PLAC1: variants seen among roughly 807,000 people sequenced by gnomAD.
PLAC1 encodes the protein placenta-specific protein 1.
For synonymous variants in PLAC1, 68 were observed against 62.1 expected (o/e 1.09, Z -0.44); for missense variants, 136 against 163.2 (o/e 0.83, Z 0.91).
At chrX:134,748,659 A>G (rs1044771666) in intron 1 of PLAC1, among the ~76,000 whole-genome samples, 1 of 112,017 alleles carries the variant, frequency 8.9e-6, no homozygotes, top group Non-Finnish European at 1.9e-5. Context: ...TGAAAACTTA[A>G]TTTGGTCGTA....
rs1241492032 is a variant in PLAC1, at chrX:134,750,993, G to A, written n.89+13241C>T. On this transcript the variant is annotated intron_variant and non_coding_transcript_variant, in intron 1 of 2. Transcript: ENST00000466797. ...TATATATATAGCCTGGTGTGGGGGC[G>A]CCACCTGTAGTCCCAGCTACTCAGG... 9.3e-5 allele frequency among the ~76,000 whole-genome samples: 7 copies of A among 75,356 alleles called. No homozygotes were observed. In the South Asian group the frequency reaches 2.5e-3, roughly 27 times the overall value. 65.4% of individuals were successfully genotyped at this position (75,356 alleles called of 115,157 possible).
At chrX:134,587,997 A>G (rs2078014259) in intron 2 of PLAC1, among the ~76,000 whole-genome samples, 1 of 112,135 alleles carries the variant, frequency 8.9e-6, no homozygotes, top group African/African-American at 3.2e-5. Flanking sequence ...GAACTGGTAC[A>G]GTTTTACCCC....
At position 134,632,475 on chromosome X, in the gene PLAC1, C is replaced by T. The variant is rs766542650; in HGVS notation, c.-131+25853G>A. ...AGACATCCTCCCTTCTTCTCTGTCACCATCGCTACTGCTTTGGGTCAGGGC... is the reference window on the plus strand; with the variant it reads ...AGACATCCTCCCTTCTTCTCTGTCATCATCGCTACTGCTTTGGGTCAGGGC... On this transcript the variant is annotated intron_variant, in intron 1 of 2. Coordinates refer to ENST00000359237, the MANE Select transcript of PLAC1 (RefSeq NM_021796.4). Among the ~76,000 whole-genome samples, 24 of 111,356 alleles carry T rather than the reference C, an allele frequency of 2.2e-4. No homozygotes were observed. In the South Asian group the frequency reaches 9.2e-3, roughly 43 times the overall value.
intron 1 of PLAC1, among the ~76,000 whole-genome samples, chrX:134,736,480 C>T (rs1006008870): frequency 3.5e-4 from 38 of 109,945 alleles, no homozygotes; most frequent in African/African-American, 1.2e-3. Flanking sequence ...CCGCCCCCAC[C>T]GCCCCGACTC....
chrX:134,607,447 A>G (rs1369416572), intron 1 of PLAC1: 12 of 131,817 alleles, frequency 9.1e-5, no homozygotes, highest in Non-Finnish European at 3.0e-5. Context: ...CACTTTATTA[A>G]GAGCCAAAAA....
At chrX:134,659,626 A>G (rs1664221984), upstream of PLAC1, among the ~76,000 whole-genome samples, 1 of 112,360 alleles carries the variant, frequency 8.9e-6, no homozygotes, top group African/African-American at 3.2e-5. Flanking sequence ...ACTCCAAGGT[A>G]AAACAATTCC....
At chrX:134,591,872 T>C (rs1350415010) in intron 2 of PLAC1, among the ~76,000 whole-genome samples, 1 of 112,382 alleles carries the variant, frequency 8.9e-6, no homozygotes, top group Non-Finnish European at 1.9e-5. Flanking sequence ...CTCATTGAAG[T>C]ATTAATTTGC....
intron 1 of PLAC1, among the ~76,000 whole-genome samples, chrX:134,638,751 G>C (rs1212805668): frequency 1.9e-5 from 2 of 104,768 alleles, no homozygotes; most frequent in East Asian, 8.6e-4. Context: ...TATTGCCATT[G>C]CTGGCTTTTT....
chrX:134,597,856 T>C (rs1283128962), intron 2 of PLAC1, among the ~76,000 whole-genome samples: 1 of 111,662 alleles, frequency 9.0e-6, no homozygotes, highest in Non-Finnish European at 1.9e-5. Context: ...GTTGGGACTT[T>C]AGAAAAATCT....
chrX:134,651,187 G>A (rs1569397623), intron 1 of PLAC1: 1 of 259,893 alleles, frequency 3.8e-6, no homozygotes, highest in Non-Finnish European at 7.8e-6. Context: ...CACAGGAGCT[G>A]TACTCTGATA....
chrX:134,739,351 C>CT (rs1226689653), intron 1 of PLAC1, among the ~76,000 whole-genome samples: 6 of 111,901 alleles, frequency 5.4e-5, no homozygotes, highest in Non-Finnish European at 5.6e-5. Context: ...AAAGTGGGAA[C>CT]TTTTTTTTGA....
Position 134,728,978 on chromosome X carries a change from T to G in PLAC1, n.174+4457A>C, listed in dbSNP as rs192678161. Among the ~76,000 whole-genome samples the G allele has an allele frequency of 7.6e-4, 84 of 110,965 alleles. 1 individual carries two copies. Among genetic ancestry groups the G allele is most frequent in the Non-Finnish European group, 1.3e-3 (71 of 52,900 alleles). On this transcript the variant is annotated intron_variant and non_coding_transcript_variant, in intron 2 of 2. Transcript: ENST00000466797. ...CCTGTCTGATTGCAGAGCCCATAAG[T>G]TTAAACCCCTTGCTATGCTACTATG...
In PLAC1 at chrX:134,646,373, G is replaced by A. The variant is rs371167818; in HGVS notation, c.-131+11955C>T. ...TCCGTTTTCTAATTACCCTTACTCA[G>A]CTAGTTCACAGTACTTTGAAGGATT... On this transcript the variant is annotated intron_variant, in intron 1 of 2. Coordinates refer to ENST00000359237, the MANE Select transcript of PLAC1 (RefSeq NM_021796.4). Among the ~76,000 whole-genome samples the A allele has an allele frequency of 7.1e-5, 8 of 112,298 alleles. No individual in the cohort carries two copies. The East Asian group carries it at 1.4e-3, about 20-fold the overall frequency.
At chrX:134,592,720 C>CTTTT (rs141372595) in intron 2 of PLAC1, among the ~76,000 whole-genome samples, 5 of 61,420 alleles carry the variant, frequency 8.1e-5, no homozygotes, top group African/African-American at 3.0e-4. Flanking sequence ...CTCTGTGTCT[C>CTTTT]TTTTTTTTTT....
chrX:134,726,558 C>T (rs2078674717), intron 2 of PLAC1, among the ~76,000 whole-genome samples: 1 of 111,825 alleles, frequency 8.9e-6, no homozygotes, highest in African/African-American at 3.3e-5. Flanking sequence ...GGCGCTGTGG[C>T]TCACGCCTGT....
chrX:134,592,498 T>C (rs2078043002), intron 2 of PLAC1, among the ~76,000 whole-genome samples: 1 of 110,857 alleles, frequency 9.0e-6, no homozygotes, highest in Non-Finnish European at 1.9e-5. Flanking sequence ...GGGGTGGGCC[T>C]TATCCAATCA....
intron 2 of PLAC1, among the ~76,000 whole-genome samples, chrX:134,581,476 C>CTTTTTTTTT (rs35457928): frequency 1.7e-5 from 1 of 58,934 alleles, no homozygotes; most frequent in African/African-American, 6.4e-5. Flanking sequence ...TTCTCAGACT[C>CTTTTTTTTT]TTTTTTTTTT....
intron 2 of PLAC1, among the ~76,000 whole-genome samples, chrX:134,589,870 G>C (rs1256335827): frequency 9.0e-6 from 1 of 111,336 alleles, no homozygotes; most frequent in Non-Finnish European, 1.9e-5. Context: ...ATGTGGGATA[G>C]GGATGTTTTT....
intron 1 of PLAC1, among the ~76,000 whole-genome samples, chrX:134,619,650 CAAAA>C (rs374028482): frequency 1.8e-5 from 1 of 55,469 alleles, no homozygotes; most frequent in African/African-American, 6.9e-5. Context: ...GACTCCATCT[CAAAA>C]AAAAAAAAAA....
Sources: allele counts gnomAD v4.1 joint callset (sites outside exome capture counted in the v4.1 genomes callset), GRCh38; gene constraint gnomAD v4.1.1; transcripts MANE v1.5; gene names NCBI Gene and HGNC (gene_info 2026-07-23, HGNC 2026-07-21).